Variants in FAM184B observed in about 807,000 individuals in gnomAD.
The protein encoded by FAM184B is protein FAM184B.
FAM184B carries 111 observed loss-of-function variants against 135.9 expected under a neutral mutation model. That is an observed-to-expected ratio of 0.82 (90% CI 0.70 to 0.96). The LOEUF (loss-of-function observed/expected upper bound fraction) is 0.96, where lower values mean the gene tolerates loss of function less well. Ranked by LOEUF, FAM184B falls within the 40% of genes least tolerant of loss-of-function variation. The pLI, the probability that FAM184B is intolerant of heterozygous loss-of-function variation, is 0.00. For synonymous variants in FAM184B, 552 were observed against 524.8 expected (o/e 1.05, Z -0.71); for missense variants, 1,375 against 1,323.9 (o/e 1.04, Z -0.60).
chr4:17,730,538 G>A, intron 1 of FAM184B, among the ~76,000 whole-genome samples: 1 of 152,190 alleles, frequency 6.6e-6, no homozygotes, highest in Non-Finnish European at 1.5e-5. Flanking sequence ...ACCCACAAAG[G>A]GAAGCCCATC....
chr4:17,657,973 A>C (rs1202085125), intron 10 of FAM184B, among the ~76,000 whole-genome samples: 3 of 152,062 alleles, frequency 2.0e-5, no homozygotes, highest in Admixed American at 2.0e-4. Flanking sequence ...GTTCTTTCTC[A>C]ATTCTGTGCT....
At position 17,642,180 on chromosome 4, in the gene FAM184B, G is replaced by A; in HGVS notation, c.2395C>T (p.Gln799Ter). ...AGCCCGCATCCCTCGCCGGAACCCT[G>A]CCCAGCAGCGCCCGGTGGGGAGCCG... is the stretch of plus-strand genomic sequence containing the variant. ...QAGSPPGAAGQGSGEGCGLWE... is the reference protein window; with the variant it reads ...QAGSPPGAAG Residue 799 changes from glutamine to a stop codon, truncating the protein, a stop_gained, in exon 13 of 18, where the codon CAG becomes TAG. Coordinates refer to ENST00000265018, the MANE Select transcript of FAM184B (RefSeq NM_015688.2). LOFTEE classifies it high-confidence loss of function. The A allele has an allele frequency of 6.5e-7, 1 of 1,529,866 alleles. No individual in the cohort carries two copies. 94.8% of individuals were successfully genotyped at this position (1,529,866 alleles called of 1,614,324 possible). A position where few individuals can be genotyped will look rare whatever the true frequency, so the allele number is the denominator to read the frequency against.
At chr4:17,772,769 A>C (rs1299157267) in intron 1 of FAM184B, among the ~76,000 whole-genome samples, 1 of 152,222 alleles carries the variant, frequency 6.6e-6, no homozygotes, top group African/African-American at 2.4e-5. Context: ...ATCCACTGGC[A>C]AGCTGAATTC....
chr4:17,778,969 A>G (rs1718982081), intron 1 of FAM184B, among the ~76,000 whole-genome samples: 1 of 152,254 alleles, frequency 6.6e-6, no homozygotes, highest in Non-Finnish European at 1.5e-5. Flanking sequence ...ATGGGAAGAA[A>G]CAATTACATA....
chr4:17,762,627 A>G (rs557131889), intron 1 of FAM184B, among the ~76,000 whole-genome samples: 14 of 152,366 alleles, frequency 9.2e-5, no homozygotes, highest in African/African-American at 3.4e-4. Flanking sequence ...GAAGCCCATT[A>G]TCAATAGGAT....
chr4:17,722,170 C>A (rs1717546304), intron 1 of FAM184B, among the ~76,000 whole-genome samples: 1 of 152,186 alleles, frequency 6.6e-6, no homozygotes, highest in Non-Finnish European at 1.5e-5. Flanking sequence ...CCCATTTCTA[C>A]TGGGAAGCAG....
chr4:17,651,537 CA>C (rs751455835), intron 11 of FAM184B, among the ~76,000 whole-genome samples: 2,626 of 42,796 alleles, frequency 0.061, 3 homozygotes, highest in Non-Finnish European at 0.074. Flanking sequence ...GACTCTGTCT[CA>C]AAAAAAAAAA....
At chr4:17,765,302 G>T (rs1718637120) in intron 1 of FAM184B, among the ~76,000 whole-genome samples, 1 of 151,824 alleles carries the variant, frequency 6.6e-6, no homozygotes, top group Non-Finnish European at 1.5e-5. Flanking sequence ...ATTCTTTCAT[G>T]GGCATTACCT....
chr4:17,694,186 C>A (rs572538744), intron 5 of FAM184B, among the ~76,000 whole-genome samples: 5 of 152,190 alleles, frequency 3.3e-5, no homozygotes, highest in African/African-American at 1.2e-4. Flanking sequence ...CCTGCCACTC[C>A]AGGTACATAG....
chr4:17,699,401 A>T (rs6836621), intron 5 of FAM184B, among the ~76,000 whole-genome samples: 45,418 of 152,028 alleles, frequency 0.3, 7,845 homozygotes, highest in Non-Finnish European at 0.39. Context: ...ATCATGGCAT[A>T]TCATAACCAA....
At position 17,709,488 on chromosome 4, in the gene FAM184B, G is replaced by A. The variant is rs535660257; in HGVS notation, c.298C>T (p.Arg100Cys). ...AGGGCGCTCTCCAGGGCCTGGATGC[G>A]CTGTAGAAGGGCTTCCTCCTCTGCG... ...GCAEEEALLQ[R>C]IQALESALEL... The change falls in exon 2 of 18, where the codon CGC (arginine) becomes TGC (cysteine). Residue 100 changes from arginine to cysteine, a missense_variant. Physicochemically the swap from Arg to Cys is radical, Grantham distance 180. Coordinates refer to ENST00000265018, the MANE Select transcript of FAM184B (RefSeq NM_015688.2). 7 of 1,548,112 alleles carry A rather than the reference G, an allele frequency of 4.5e-6. No homozygotes were observed. Among genetic ancestry groups the A allele is most frequent in the East Asian group, 2.4e-5 (1 of 40,850 alleles).
At chr4:17,761,319 G>A (rs958438994) in intron 1 of FAM184B, among the ~76,000 whole-genome samples, 1 of 152,166 alleles carries the variant, frequency 6.6e-6, no homozygotes, top group African/African-American at 2.4e-5. Flanking sequence ...CTACAAGTCA[G>A]GAAGAGAGAA....
At chr4:17,724,633 C>T (rs1332885652) in intron 1 of FAM184B, among the ~76,000 whole-genome samples, 1 of 152,188 alleles carries the variant, frequency 6.6e-6, no homozygotes, top group African/African-American at 2.4e-5. Context: ...TAACGAGGTG[C>T]TACCATCCAG....
chr4:17,719,242 T>A (rs1253976211), intron 1 of FAM184B, among the ~76,000 whole-genome samples: 1 of 152,140 alleles, frequency 6.6e-6, no homozygotes, highest in East Asian at 1.9e-4. Flanking sequence ...TGACAGTTGA[T>A]CTGATAATCG....
At chr4:17,681,350 G>A (rs1316092634) in intron 7 of FAM184B, among the ~76,000 whole-genome samples, 2 of 152,190 alleles carry the variant, frequency 1.3e-5, no homozygotes, top group African/African-American at 4.8e-5. Context: ...GGGCAGAGCT[G>A]GGTGGAACCC....
At chr4:17,740,468 T>C (rs1028406319) in intron 1 of FAM184B, among the ~76,000 whole-genome samples, 1 of 151,300 alleles carries the variant, frequency 6.6e-6, no homozygotes, top group African/African-American at 2.4e-5. Context: ...AGCAAACATA[T>C]GTAGATATTC....
chr4:17,730,140 T>C (rs1221480229), intron 1 of FAM184B, among the ~76,000 whole-genome samples: 16 of 152,136 alleles, frequency 1.1e-4, no homozygotes, highest in Admixed American at 1.3e-4. Flanking sequence ...GGAGCCAATG[T>C]GATCAACTGG....
intron 6 of FAM184B, among the ~76,000 whole-genome samples, chr4:17,688,908 G>A (rs770772828): frequency 2.6e-5 from 4 of 151,966 alleles, no homozygotes; most frequent in Non-Finnish European, 5.9e-5. Flanking sequence ...GCCCAGCCTG[G>A]TCTCAAACTC....
At chr4:17,725,442 T>C (rs1231223534) in intron 1 of FAM184B, among the ~76,000 whole-genome samples, 1 of 152,138 alleles carries the variant, frequency 6.6e-6, no homozygotes, top group East Asian at 1.9e-4. Flanking sequence ...TGTCAAAAAG[T>C]AATAGAAACT....
Sources: allele counts gnomAD v4.1 joint callset (sites outside exome capture counted in the v4.1 genomes callset), GRCh38; gene constraint gnomAD v4.1.1; transcripts MANE v1.5; gene names NCBI Gene and HGNC (gene_info 2026-07-23, HGNC 2026-07-21).